LRRC4B: variants seen among roughly 807,000 people sequenced by gnomAD.
LRRC4B encodes leucine rich repeat containing 4B, also known as leucine-rich repeat-containing protein 4B.
A neutral mutation model predicts 7.3 loss-of-function variants in LRRC4B; 1 was observed. The ratio of observed to expected loss-of-function variants is 0.14; its 90% CI spans 0.05 to 0.65. LRRC4B has a LOEUF of 0.65. Among genes scored for constraint, LRRC4B ranks in the 30% least tolerant of loss-of-function variants. The pLI is 0.84. For missense variants in LRRC4B, 730 were observed against 1,041.6 expected (o/e 0.70, Z 4.12); for synonymous variants, 500 against 499.2 (o/e 1.00, Z -0.02).
chr19:50,548,450 C>T lies in LRRC4B; in HGVS notation c.297+92G>A, dbSNP rs1411249783. On this transcript the variant is annotated intron_variant, in intron 2 of 2. Transcript: ENST00000652263. The surrounding 1 kb of genome is among the most constrained non-coding windows in gnomAD (Gnocchi z 6.8). ...ACAGGTGCCGGAGACGGGGAAGCCC[C>T]GGTGTGGGGAGGCCCAGAAGGGATG... 34 of 1,490,582 alleles carry T rather than the reference C, an allele frequency of 2.3e-5. No individual in the cohort carries two copies. The highest frequency in any genetic ancestry group is 2.7e-5 in the Non-Finnish European group (30 of 1,110,982). The allele number at this position is 1,490,582 out of a possible 1,614,324, so 92.3% of individuals were successfully genotyped here.
chr19:50,543,335 GGTGT>G (rs143123202), intron 2 of LRRC4B, among the ~76,000 whole-genome samples: 113 of 145,256 alleles, frequency 7.8e-4, no homozygotes, highest in South Asian at 5.9e-3. Context: ...GCCAGGCCCT[GGTGT>G]GTGTGTGTGT....
chr19:50,529,815 A>C (rs1404965213), intron 2 of LRRC4B, among the ~76,000 whole-genome samples: 2 of 152,122 alleles, frequency 1.3e-5, no homozygotes, highest in Non-Finnish European at 2.9e-5. Context: ...AATAATAATA[A>C]ATACAGAAAG....
At chr19:50,536,477 C>G (rs146749503) in intron 2 of LRRC4B, among the ~76,000 whole-genome samples, 1 of 152,282 alleles carries the variant, frequency 6.6e-6, no homozygotes, top group Admixed American at 6.5e-5. Context: ...CACGCAGTGT[C>G]GAGAGGGCAG....
intron 2 of LRRC4B, among the ~76,000 whole-genome samples, chr19:50,535,463 C>T (rs1337012556): frequency 6.6e-6 from 1 of 152,212 alleles, no homozygotes; most frequent in Admixed American, 6.5e-5. Flanking sequence ...TGAACCACTG[C>T]ACTCGGCCTG....
In LRRC4B at chr19:50,543,051, C is replaced by T. The variant is rs897675303; in HGVS notation, c.297+5491G>A. Among the ~76,000 whole-genome samples, 10 of 149,850 alleles carry T rather than the reference C, an allele frequency of 6.7e-5. 1 individual carries two copies. The East Asian group carries it at 8.0e-4, about 12-fold the overall frequency. ...CACGGGAGGGCGTCGCAGGGATTCG[C>T]GTCGGCTCCCACCGACAGATGGCTG... On this transcript the variant is annotated intron_variant, in intron 2 of 2. Coordinates refer to ENST00000652263, the MANE Select transcript of LRRC4B (RefSeq NM_001080457.2).
In LRRC4B at chr19:50,519,241, A is replaced by T; in HGVS notation, c.472T>A (p.Ser158Thr). Residue 158 changes from serine to threonine, a missense_variant, in exon 3 of 3, where the codon TCC (serine) becomes ACC (threonine). Coordinates refer to ENST00000652263, the MANE Select transcript of LRRC4B (RefSeq NM_001080457.2). This position sits in a 1 kb window ranked among gnomAD's most constrained non-coding sequence, Gnocchi z 8.1. ...CGCAGCCAGAGCTCCCGCAGCTTGG[A>T]CAGGTACTCGAAGGCCTGCGTGGGC... ...TVPTQAFEYL[S>T]KLRELWLRNN... The T allele has an allele frequency of 6.2e-7, 1 of 1,614,064 alleles. No homozygotes were observed.
In LRRC4B at chr19:50,522,049, G is replaced by T. The variant is rs577317447; in HGVS notation, c.298-2634C>A. On this transcript the variant is annotated intron_variant, in intron 2 of 2. Coordinates refer to ENST00000652263, the MANE Select transcript of LRRC4B (RefSeq NM_001080457.2). ...GAAAATTAGCCCTGTGTGATGGCAT[G>T]CACCTGTGGTCCCAGCTACTCAGAA... is the stretch of plus-strand genomic sequence containing the variant. 2.0e-3 allele frequency among the ~76,000 whole-genome samples: 305 copies of T among 152,154 alleles called. 1 individual carries two copies. Among genetic ancestry groups the T allele is most frequent in the African/African-American group, 6.9e-3 (287 of 41,522 alleles).
chr19:50,517,954 A>C lies in LRRC4B; in HGVS notation c.1759T>G (p.Phe587Val), dbSNP rs765038580. 7 of 1,553,278 alleles carry C rather than the reference A, an allele frequency of 4.5e-6. No homozygotes were observed. The highest frequency in any genetic ancestry group is 4.3e-6 in the Non-Finnish European group (5 of 1,155,844). ...IIIGCFVAIT[F>V]MAAVMLVAFY... ...GCCACGAGCATCACCGCGGCCATGA[A>C]CGTGATGGCCACGAAGCAGCCGATG... The change falls in exon 3 of 3, where the codon TTC becomes GTC. Residue 587 changes from phenylalanine (F) to valine (V), a missense_variant. Phe to Val is a conservative substitution (Grantham distance 50). Around this residue, in one of 6 missense-constraint regions of LRRC4B, gnomAD observed 4 missense variants for 24.1 expected, o/e 0.17. Coordinates refer to ENST00000652263, the MANE Select transcript of LRRC4B (RefSeq NM_001080457.2). The surrounding 1 kb of genome is among the most constrained non-coding windows in gnomAD (Gnocchi z 6.6).
At chr19:50,566,529 G>A (rs1231484916) in intron 1 of LRRC4B, among the ~76,000 whole-genome samples, 1 of 150,792 alleles carries the variant, frequency 6.6e-6, no homozygotes, top group East Asian at 2.0e-4. Flanking sequence ...GAGAGCAGAG[G>A]TGAGGAGGTC....
Position 50,519,251 on chromosome 19 carries a change from G to A in LRRC4B, c.462C>T (p.Phe154=). The change falls in exon 3 of 3, where the codon TTC becomes TTT. Residue 154 remains phenylalanine (F), a synonymous_variant. Transcript: ENST00000652263. The surrounding 1 kb of genome is among the most constrained non-coding windows in gnomAD (Gnocchi z 8.1). Reference sequence around the variant, plus strand: ...GCTCCCGCAGCTTGGACAGGTACTCGAAGGCCTGCGTGGGCACCGTGGTCA... The same window carrying A: ...GCTCCCGCAGCTTGGACAGGTACTCAAAGGCCTGCGTGGGCACCGTGGTCA... ...NRLTTVPTQA[F]EYLSKLRELW... is the part of the protein sequence containing the mutation. The A allele has an allele frequency of 6.2e-7, 1 of 1,614,114 alleles. No homozygotes were observed. Among genetic ancestry groups the A allele is most frequent in the Non-Finnish European group, 8.5e-7 (1 of 1,180,038 alleles).
At chr19:50,554,057 G>T (rs111976789) in intron 1 of LRRC4B, among the ~76,000 whole-genome samples, 1 of 148,720 alleles carries the variant, frequency 6.7e-6, no homozygotes, top group African/African-American at 2.5e-5. Context: ...GCAGTGGCGC[G>T]ATCTCAGCTC....
chr19:50,525,580 A>ATTT (rs36006616), intron 2 of LRRC4B, among the ~76,000 whole-genome samples: 2 of 124,742 alleles, frequency 1.6e-5, no homozygotes, highest in Non-Finnish European at 3.4e-5. Flanking sequence ...TAATTTTTGT[A>ATTT]TTTTTTTTTT....
In LRRC4B at chr19:50,548,831, C is replaced by T. The variant is rs757301098; in HGVS notation, c.8G>A (p.Arg3His). 3.9e-5 allele frequency: 58 copies of T among 1,477,722 alleles called. No individual in the cohort carries two copies. The highest frequency in any genetic ancestry group is 4.5e-5 in the Non-Finnish European group (50 of 1,119,242). The allele number at this position is 1,477,722 out of a possible 1,614,324, so 91.5% of individuals were successfully genotyped here. The change falls in exon 2 of 3, where the codon CGT becomes CAT. Residue 3 changes from arginine to histidine, a missense_variant. Around this residue, in one of 6 missense-constraint regions of LRRC4B, gnomAD observed 143 missense variants for 158.4 expected, o/e 0.90. Coordinates refer to ENST00000652263, the MANE Select transcript of LRRC4B (RefSeq NM_001080457.2). This position sits in a 1 kb window ranked among gnomAD's most constrained non-coding sequence, Gnocchi z 6.8. MARARGSPCPPLP... is the reference protein window; with the variant it reads MAHARGSPCPPLP... The stretch of plus-strand genomic sequence containing the variant: ...CGGGGGGCACGGGGAGCCGCGGGCA[C>T]GCGCCATCCTCAATGTTCATGCTCC...
At chr19:50,538,352 C>T (rs867842458) in intron 2 of LRRC4B, among the ~76,000 whole-genome samples, 5 of 152,188 alleles carry the variant, frequency 3.3e-5, no homozygotes, top group Middle Eastern at 3.2e-3. Flanking sequence ...CGCGAGCCAC[C>T]GCGCCCGGCC....
Position 50,537,174 on chromosome 19 carries a change from G to GA in LRRC4B, c.297+11367dup. On this transcript the variant is annotated intron_variant, in intron 2 of 2. Transcript: ENST00000652263. This position sits in a 1 kb window ranked among gnomAD's most constrained non-coding sequence, Gnocchi z 5.5. ...ATTAGGAAGCATTACGAATCGCGTT[G>GA]AAAAAACCAAGTTCTGCAGCCAGCC... Among the ~76,000 whole-genome samples the GA allele has an allele frequency of 6.6e-6, 1 of 152,154 alleles. No homozygotes were observed. The highest frequency in any genetic ancestry group is 6.5e-5 in the Admixed American group (1 of 15,282).
Position 50,553,167 on chromosome 19 carries a change from C to G in LRRC4B, c.-35-4294G>C, listed in dbSNP as rs1272830983. ...CGCCCAGGCTACTTCCCTGACCTGG[C>G]TCCCATCTCCCTCTTGAACGATTAC... is the stretch of plus-strand genomic sequence containing the variant. On this transcript the variant is annotated intron_variant, in intron 1 of 2. Coordinates refer to ENST00000652263, the MANE Select transcript of LRRC4B (RefSeq NM_001080457.2). The surrounding 1 kb of genome is among the most constrained non-coding windows in gnomAD (Gnocchi z 4.2). Among the ~76,000 whole-genome samples the G allele has an allele frequency of 6.6e-6, 1 of 152,144 alleles. No individual in the cohort carries two copies. Among genetic ancestry groups the G allele is most frequent in the Admixed American group, 6.5e-5 (1 of 15,272 alleles).
intron 1 of LRRC4B, among the ~76,000 whole-genome samples, chr19:50,549,339 AC>A (rs1460638166): frequency 6.6e-6 from 1 of 151,692 alleles, no homozygotes; most frequent in Non-Finnish European, 1.5e-5. Flanking sequence ...CCATCCCAAC[AC>A]CCGCCCGGTC....
At chr19:50,525,661 C>T (rs956894668) in intron 2 of LRRC4B, among the ~76,000 whole-genome samples, 1 of 150,600 alleles carries the variant, frequency 6.6e-6, no homozygotes, top group African/African-American at 2.4e-5. Context: ...CTCAGGTGAT[C>T]TGCCCAACTC....
At position 50,530,938 on chromosome 19, in the gene LRRC4B, G is replaced by C. The variant is rs1011384993; in HGVS notation, c.298-11523C>G. Among the ~76,000 whole-genome samples the C allele has an allele frequency of 7.9e-4, 118 of 150,032 alleles. 2 individuals carry two copies. The highest frequency in any genetic ancestry group is 6.8e-3 in the Middle Eastern group (2 of 292). Reference sequence around the variant, plus strand: ...TTTTTAGTAGAAACCTGGGGGGGGGGGGTCTCTCTATGTTGGTCAGGCTGG... The same window carrying C: ...TTTTTAGTAGAAACCTGGGGGGGGGCGGTCTCTCTATGTTGGTCAGGCTGG... On this transcript the variant is annotated intron_variant, in intron 2 of 2. Transcript: ENST00000652263.
Sources: allele counts gnomAD v4.1 joint callset (sites outside exome capture counted in the v4.1 genomes callset), GRCh38; gene constraint gnomAD v4.1.1; regional missense constraint gnomAD v4.1.1; non-coding constraint Gnocchi (gnomAD v3.1); transcripts MANE v1.5; gene names NCBI Gene and HGNC (gene_info 2026-07-23, HGNC 2026-07-21).